Variants in PDLIM2 observed in about 807,000 individuals in gnomAD.
PDLIM2 encodes the protein PDZ and LIM domain protein 2.
Under a neutral mutation model 54.1 loss-of-function variants are expected in PDLIM2, and 51 were observed. That is an observed-to-expected ratio of 0.94 (90% CI 0.75 to 1.19). The LOEUF (loss-of-function observed/expected upper bound fraction) is 1.19, where lower values mean the gene tolerates loss of function less well. Ranked by LOEUF, PDLIM2 falls within the 50% of genes most tolerant of loss-of-function variation. The pLI is 0.00. For synonymous variants in PDLIM2, 398 were observed against 385.6 expected (o/e 1.03, Z -0.38); for missense variants, 912 against 874.0 (o/e 1.04, Z -0.55).
At chr8:22,581,901 T>C (rs1800215452) in intron 3 of PDLIM2, among the ~76,000 whole-genome samples, 1 of 152,260 alleles carries the variant, frequency 6.6e-6, no homozygotes, top group African/African-American at 2.4e-5. Flanking sequence ...TGCCCGAGGC[T>C]GCATCCCCAG....
intron 1 of PDLIM2, chr8:22,580,566 G>A: frequency 1.2e-6 from 2 of 1,613,442 alleles, no homozygotes; most frequent in East Asian, 2.2e-5. Context: ...AGCCGGCTAG[G>A]GGCATGGACT....
chr8:22,581,034 G>C, intron 2 of PDLIM2: 1 of 659,470 alleles, frequency 1.5e-6, no homozygotes, highest in Non-Finnish European at 2.9e-6. Flanking sequence ...CTGGGCCCAG[G>C]CTGGGAACAT....
chr8:22,582,981 G>A (rs762431084), intron 3 of PDLIM2, among the ~76,000 whole-genome samples: 11 of 143,230 alleles, frequency 7.7e-5, no homozygotes, highest in Admixed American at 1.5e-4. Flanking sequence ...AAGCCCTGGG[G>A]CAGGAAGCAG....
chr8:22,589,768 G>A (rs1001581301), intron 8 of PDLIM2, 27 bp downstream of exon 7: 4 of 1,555,076 alleles, frequency 2.6e-6, no homozygotes, highest in Non-Finnish European at 3.5e-6. Context: ...CTGGGGAGGG[G>A]AAGGAGGTTC....
At chr8:22,579,406 C>T in exon 1 of PDLIM2, 1 of 1,512,714 alleles carries the variant, frequency 6.6e-7, no homozygotes, top group African/African-American at 1.4e-5. Flanking sequence ...TCCTCCAGCC[C>T]CCAGCCCGCA....
exon 1 of PDLIM2, chr8:22,578,830 C>CCCT (rs991280021): frequency 5.7e-6 from 7 of 1,234,452 alleles, no homozygotes; most frequent in Non-Finnish European, 7.1e-6. Flanking sequence ...TGGGGCTGCC[C>CCCT]CCTCGATCGT....
intron 7 of PDLIM2, 91 bp from the exon 7 acceptor site, chr8:22,589,505 C>T: frequency 1.3e-6 from 2 of 1,511,648 alleles, no homozygotes; most frequent in Admixed American, 2.0e-5. Context: ...GATTCCTCCC[C>T]CTCCCCCACG....
chr8:22,591,481 C>A, intron 8 of PDLIM2, 70 bp from the exon 8 acceptor site: 1 of 1,416,688 alleles, frequency 7.1e-7, no homozygotes, highest in South Asian at 1.1e-5. Flanking sequence ...AGACCACCTC[C>A]TCAGAGCATC....
At chr8:22,594,829 C>G, downstream of PDLIM2, 1 of 933,124 alleles carries the variant, frequency 1.1e-6, no homozygotes. Flanking sequence ...CTGGGGAGGC[C>G]TGAGGAGCCC....
intron 9 of PDLIM2, chr8:22,593,501 C>A (rs77117872): frequency 7.9e-6 from 4 of 507,732 alleles, no homozygotes; most frequent in Middle Eastern, 5.1e-4. Flanking sequence ...CGCTTGAACC[C>A]GGAAGGTAGA....
chr8:22,592,038 C>CATTTTTCTTATTTTTCTT (rs11282127), intron 9 of PDLIM2: 1 of 146,848 alleles, frequency 6.8e-6, no homozygotes, highest in African/African-American at 2.8e-5. Flanking sequence ...GATGTGGGCT[C>CATTTTTCTTATTTTTCTT]ATTTTTCTTA....
chr8:22,585,627 T>TCCCC, intron 6 of PDLIM2: 1 of 42,492 alleles, frequency 2.4e-5, no homozygotes, highest in Non-Finnish European at 3.9e-5. Flanking sequence ...AGCCCGTCCA[T>TCCCC]CTCCTGCACC....
chr8:22,588,990 T>G, intron 6 of PDLIM2: 1 of 528,092 alleles, frequency 1.9e-6, no homozygotes, highest in Middle Eastern at 5.2e-4. Context: ...CAGAGGACTC[T>G]GTGCTTAGCT....
At position 22,579,179 on chromosome 8, in the gene PDLIM2, C is replaced by A. The variant is rs1176866584; in HGVS notation, c.400C>A (p.Pro134Thr). Residue 134 changes from proline (P) to threonine (T), a missense_variant, in exon 1 of 10, where the codon CCC (proline) becomes ACC (threonine). Coordinates refer to ENST00000308354, the Ensembl canonical transcript of PDLIM2. ...GCGGTGGCGTCTCCCCGCCTTCCCT[C>A]CCTCCCGGGCCTGGGCGCCCAGCCG... 3 of 1,367,720 alleles carry A rather than the reference C, an allele frequency of 2.2e-6. No individual in the cohort carries two copies. In the South Asian group the frequency reaches 5.3e-5, roughly 24 times the overall value. 84.7% of individuals were successfully genotyped at this position (1,367,720 alleles called of 1,614,324 possible). A position where few individuals can be genotyped will look rare whatever the true frequency, so the allele number is the denominator to read the frequency against.
exon 10 of PDLIM2, chr8:22,594,040 T>C: frequency 5.5e-6 from 8 of 1,451,248 alleles, no homozygotes; most frequent in Non-Finnish European, 7.2e-6. Context: ...CCCTTTGTCC[T>C]CGCTGGGTGG....
At chr8:22,579,696 C>T in intron 1 of PDLIM2, 1 of 811,292 alleles carries the variant, frequency 1.2e-6, no homozygotes. Context: ...CAGGGCAGCC[C>T]CAGGATGGGT....
intron 6 of PDLIM2, chr8:22,588,735 A>G (rs1800447071): frequency 6.3e-6 from 1 of 158,660 alleles, no homozygotes; most frequent in Admixed American, 6.3e-5. Context: ...ACCTCCCAGC[A>G]GAGTAGGGAC....
chr8:22,589,927 CCGGGAG>C, intron 8 of PDLIM2, 186 bp downstream of exon 7: 1 of 743,356 alleles, frequency 1.3e-6, no homozygotes, highest in Non-Finnish European at 2.1e-6. Context: ...CCGGGAGGGT[CCGGGAG>C]GGTCACCAGC....
intron 3 of PDLIM2, among the ~76,000 whole-genome samples, chr8:22,582,517 G>A (rs1374153203): frequency 6.6e-6 from 1 of 152,032 alleles, no homozygotes; most frequent in African/African-American, 2.4e-5. Flanking sequence ...GGGGAGGTAG[G>A]CCTGGGCTGT....
Sources: allele counts gnomAD v4.1 joint callset (sites outside exome capture counted in the v4.1 genomes callset), GRCh38; gene constraint gnomAD v4.1.1; transcripts MANE v1.5; gene names NCBI Gene and HGNC (gene_info 2026-07-23, HGNC 2026-07-21).